The following CACNA1F variants were observed in gnomAD, a reference collection of about 807,000 sequenced individuals.
CACNA1F encodes the protein voltage-dependent L-type calcium channel subunit alpha-1F.
A neutral mutation model predicts 143.8 loss-of-function variants in CACNA1F; 59 were observed. The observed-to-expected ratio is 0.41, with a 90% CI of 0.33 to 0.51. CACNA1F has a LOEUF of 0.51. CACNA1F is among the 20% of genes least tolerant of loss of function. The pLI is 0.22. For synonymous variants in CACNA1F, 643 were observed against 649.1 expected (o/e 0.99, Z 0.14); for missense variants, 1,411 against 1,647.5 (o/e 0.86, Z 2.48).
chrX:49,210,513 C>G, intron 38 of CACNA1F, 77 bp downstream of exon 38: 1 of 1,052,710 alleles, frequency 9.5e-7, no homozygotes, highest in Non-Finnish European at 1.3e-6. Flanking sequence ...CCTCCCCACC[C>G]AAGGCAGATC....
chrX:49,227,810 A>G (rs1557110370), intron 8 of CACNA1F, among the ~76,000 whole-genome samples: 2 of 112,296 alleles, frequency 1.8e-5, no homozygotes, highest in Non-Finnish European at 3.8e-5. Context: ...ATTTTATTGC[A>G]TATGTTGCTA....
rs781983546 is a variant in CACNA1F, at chrX:49,220,981, G to A, written c.2334+54C>T. On this transcript the variant is annotated intron_variant, in intron 18 of 47. Coordinates refer to ENST00000323022, the MANE Select transcript of CACNA1F (RefSeq NM_001256789.3). ...ACAAAAAAACAGATATGCACACATA[G>A]ACAGGTAGTGGTGGGAGTGGGAGGT... 1.8e-5 allele frequency: 17 copies of A among 967,263 alleles called. No individual in the cohort carries two copies. The South Asian group carries it at 2.9e-4, about 17-fold the overall frequency. The allele number at this position is 967,263 out of a possible 1,213,427, so 79.7% of individuals were successfully genotyped here. A position where few individuals can be genotyped will look rare whatever the true frequency, so the allele number is the denominator to read the frequency against.
Position 49,215,408 on chromosome X carries a change from G to A in CACNA1F, c.3372C>T (p.Phe1124=), listed in dbSNP as rs782728123. 4.8e-5 allele frequency: 58 copies of A among 1,207,494 alleles called. No homozygotes were observed. The highest frequency in any genetic ancestry group is 5.8e-5 in the Non-Finnish European group (52 of 893,830). The change falls in exon 28 of 48, where the codon TTC becomes TTT. Residue 1124 remains phenylalanine, a synonymous_variant. Coordinates refer to ENST00000323022, the MANE Select transcript of CACNA1F (RefSeq NM_001256789.3). Reference sequence around the variant, plus strand: ...CCTGGGCACGGAAAGTGATGATGACGAAGCCCACGAAGATGTTCATCATGA... The same window carrying A: ...CCTGGGCACGGAAAGTGATGATGACAAAGCCCACGAAGATGTTCATCATGA... ...AFFMMNIFVG[F]VIITFRAQGE...
rs782706571 is a variant in CACNA1F at position 49,228,047 on chromosome X, G to A, written c.1107C>T (p.Gly369=). Reference sequence around the variant, plus strand: ...TCTAGGTCTCTCACCCACTCAGGACGCCAAGCACAAGGTTGAGGACGAAGA... The same window carrying A: ...TCTAGGTCTCTCACCCACTCAGGACACCAAGCACAAGGTTGAGGACGAAGA... ...GSFFVLNLVL[G]VLSGEFSKER... Residue 369 remains glycine, a synonymous_variant, in exon 8 of 48, where the codon GGC becomes GGT. Transcript: ENST00000323022. The A allele has an allele frequency of 6.6e-6, 8 of 1,203,898 alleles. No individual in the cohort carries two copies. The highest frequency in any genetic ancestry group is 6.6e-5 in the Admixed American group (3 of 45,659).
intron 14 of CACNA1F, among the ~76,000 whole-genome samples, chrX:49,224,373 G>A (rs2065804001): frequency 1.8e-5 from 2 of 109,544 alleles, no homozygotes; most frequent in Non-Finnish European, 3.8e-5. Flanking sequence ...GGGTGTTAGC[G>A]TTGTAAATGG....
In CACNA1F at chrX:49,208,695, T is replaced by A; in HGVS notation, c.4954-11A>T. ...GGAGACCATCGTGGCCTGTGGAGAG[T>A]CACAGGACTGAGTGTTGCATGCACT... is the stretch of plus-strand genomic sequence containing the variant. On this transcript the variant is annotated splice_polypyrimidine_tract_variant and intron_variant, in intron 42 of 47. Transcript: ENST00000323022. 1 of 1,205,132 alleles carries A rather than the reference T, an allele frequency of 8.3e-7. No individual in the cohort carries two copies. Among genetic ancestry groups the A allele is most frequent in the Non-Finnish European group, 1.1e-6 (1 of 890,489 alleles).
intron 27 of CACNA1F, among the ~76,000 whole-genome samples, chrX:49,215,806 A>G (rs1461748515): frequency 1.8e-5 from 2 of 109,529 alleles, no homozygotes; most frequent in Non-Finnish European, 3.8e-5. Context: ...TCCATTCAGA[A>G]CCTCAAAGAC....
rs782298625 is a variant in CACNA1F at position 49,209,156 on chromosome X, G to A, written c.4953+106C>T. The A allele has an allele frequency of 2.6e-5, 25 of 943,917 alleles. 1 individual carries two copies. In the South Asian group the frequency reaches 5.0e-4, roughly 19 times the overall value. The allele number at this position is 943,917 out of a possible 1,213,427, so 77.8% of individuals were successfully genotyped here. ...ATAAATATTTTTCTATTGCAGAGGG[G>A]GCTTCTCTGGGGGAGCTTCTTCCCA... On this transcript the variant is annotated intron_variant, in intron 42 of 47. Coordinates refer to ENST00000323022, the MANE Select transcript of CACNA1F (RefSeq NM_001256789.3).
chrX:49,218,789 G>A, intron 22 of CACNA1F, 54 bp from the exon 23 acceptor site: 9 of 738,562 alleles, frequency 1.2e-5, no homozygotes, highest in Non-Finnish European at 1.8e-5. Context: ...GGGGTTGGGG[G>A]AGGTGGGGAT....
Position 49,211,373 on chromosome X carries a change from G to T in CACNA1F, c.4209C>A (p.Ser1403Arg). ...TGATGAAATAGGCGATGGCAAAATT[G>T]CTACCACAGGTAAACTCTTCACCAG... ...FGPGEEFTCG[S>R]NFAIAYFISF... The change falls in exon 36 of 48, where the codon AGC (serine) becomes AGA (arginine). Residue 1403 changes from serine to arginine, a missense_variant. This residue lies in a region of CACNA1F where 112 missense variants were observed against 169.2 expected (regional missense o/e 0.66). Coordinates refer to ENST00000323022, the MANE Select transcript of CACNA1F (RefSeq NM_001256789.3). 4.1e-6 allele frequency: 5 copies of T among 1,210,428 alleles called. No homozygotes were observed. The highest frequency in any genetic ancestry group is 5.6e-6 in the Non-Finnish European group (5 of 894,293).
At chrX:49,207,654 T>C (rs1317077581) in intron 43 of CACNA1F, among the ~76,000 whole-genome samples, 2 of 109,940 alleles carry the variant, frequency 1.8e-5, no homozygotes, top group Non-Finnish European at 3.8e-5. Context: ...GGTCTTGTAC[T>C]CCTGGGCTCA....
At position 49,205,757 on chromosome X, in the gene CACNA1F, C is replaced by G; in HGVS notation, c.5529G>C (p.Leu1843Phe). The change falls in exon 47 of 48, where the codon TTG (leucine) becomes TTC (phenylalanine). Residue 1843 changes from leucine to phenylalanine, a missense_variant. This residue lies in a region of CACNA1F where 349 missense variants were observed against 350.2 expected (regional missense o/e 1.00). Coordinates refer to ENST00000323022, the MANE Select transcript of CACNA1F (RefSeq NM_001256789.3). ...RGRLLYAPLL[L>F]VEEGAAGEGY... Reference sequence around the variant, plus strand: ...CCTCCCCCGCTGCGCCCTCTTCCACCAACAACAGCGGGGCATACAGGAGCC... The same window carrying G: ...CCTCCCCCGCTGCGCCCTCTTCCACGAACAACAGCGGGGCATACAGGAGCC... 1 of 1,204,866 alleles carries G rather than the reference C, an allele frequency of 8.3e-7. No homozygotes were observed. Among genetic ancestry groups the G allele is most frequent in the Non-Finnish European group, 1.1e-6 (1 of 892,105 alleles).
At chrX:49,210,102 T>C in intron 39 of CACNA1F, 60 bp from the exon 40 acceptor site, 2 of 859,009 alleles carry the variant, frequency 2.3e-6, no homozygotes, top group Non-Finnish European at 3.5e-6. Flanking sequence ...AGCTGCCCCC[T>C]CACTGTTGGG....
At position 49,219,456 on chromosome X, in the gene CACNA1F, G is replaced by T; in HGVS notation, c.2544-6C>A. ...TGTGGCAGCCCTTCCTCAGCCTGTG[G>T]AGAGGGAGTGGGCCATGGTCAGAAC... On this transcript the variant is annotated splice_polypyrimidine_tract_variant and splice_region_variant and intron_variant, in intron 20 of 47. Coordinates refer to ENST00000323022, the MANE Select transcript of CACNA1F (RefSeq NM_001256789.3). The T allele has an allele frequency of 8.3e-7, 1 of 1,207,080 alleles. No homozygotes were observed. Among genetic ancestry groups the T allele is most frequent in the Non-Finnish European group, 1.1e-6 (1 of 893,194 alleles).
At chrX:49,208,009 C>CA (rs1557105286) in intron 43 of CACNA1F, among the ~76,000 whole-genome samples, 1 of 100,239 alleles carries the variant, frequency 1.0e-5, no homozygotes, top group Admixed American at 1.1e-4. Flanking sequence ...GCCTGGCCAA[C>CA]ATGGCAAAAC....
rs782231084 is a variant in CACNA1F, at chrX:49,219,514, G to A, written c.2544-64C>T. On this transcript the variant is annotated intron_variant, in intron 20 of 47. Transcript: ENST00000323022. ...CACAGAATTGTTCAGGGATTCCAAGGGATACAGTTCTGGCCCTGACACAAC... is the reference window on the plus strand; with the variant it reads ...CACAGAATTGTTCAGGGATTCCAAGAGATACAGTTCTGGCCCTGACACAAC... 24 of 1,184,552 alleles carry A rather than the reference G, an allele frequency of 2.0e-5. 1 individual carries two copies. In the South Asian group the frequency reaches 4.1e-4, roughly 20 times the overall value.
Position 49,226,083 on chromosome X carries a change from A to G in CACNA1F, c.1491-14T>C. 5.9e-6 allele frequency: 7 copies of G among 1,190,903 alleles called. No homozygotes were observed. The highest frequency in any genetic ancestry group is 7.9e-6 in the Non-Finnish European group (7 of 884,578). ...CGGAGGCGGCGGCTGGGGGAAGGGG[A>G]GCCCACAGGCTGAGATCACCTACCT... On this transcript the variant is annotated splice_polypyrimidine_tract_variant and intron_variant, in intron 12 of 47. Transcript: ENST00000323022.
At position 49,218,667 on chromosome X, in the gene CACNA1F, C is replaced by G. The variant is rs2065742723; in HGVS notation, c.2802G>C (p.Leu934=). The change falls in exon 23 of 48, where the codon CTG becomes CTC. Residue 934 remains leucine, a synonymous_variant. Transcript: ENST00000323022. ...FCRSWFNMLD[L]LVVSVSLISF... ...AGATGAGGGACACACTGACCACCAG[C>G]AGATCCAACATATTAAACCAGCTAC... is the stretch of plus-strand genomic sequence containing the variant. 8.3e-7 allele frequency: 1 copy of G among 1,200,160 alleles called. No homozygotes were observed. The highest frequency in any genetic ancestry group is 1.8e-5 in the African/African-American group (1 of 56,602).
intron 43 of CACNA1F, among the ~76,000 whole-genome samples, chrX:49,207,618 C>T (rs908046397): frequency 1.3e-4 from 14 of 108,641 alleles, no homozygotes; most frequent in African/African-American, 1.7e-4. Flanking sequence ...TTTGTATGGA[C>T]GGGGTCTCAT....
Sources: allele counts gnomAD v4.1 joint callset (sites outside exome capture counted in the v4.1 genomes callset), GRCh38; gene constraint gnomAD v4.1.1; regional missense constraint gnomAD v4.1.1; transcripts MANE v1.5; gene names NCBI Gene and HGNC (gene_info 2026-07-23, HGNC 2026-07-21).